Variants in FOXN2 observed in about 807,000 individuals in gnomAD.
The protein encoded by FOXN2 is forkhead box N2, also known as forkhead box protein N2.
In FOXN2, 19 loss-of-function variants were observed where a neutral mutation model predicts 41.2. The ratio of observed to expected loss-of-function variants is 0.46; its 90% confidence interval spans 0.32 to 0.68. FOXN2 has a LOEUF of 0.68. FOXN2 is among the 30% of genes least tolerant of loss of function. FOXN2 has a pLI of 0.03. For missense variants in FOXN2, 587 were observed against 509.4 expected, an observed-to-expected ratio of 1.15 and a Z score of -1.47; for synonymous variants, 195 against 176.8, an observed-to-expected ratio of 1.10 and a Z score of -0.82.
intron 4 of FOXN2, among the ~76,000 whole-genome samples, chr2:48,362,047 G>C (rs894407631): frequency 6.6e-6 from 1 of 152,150 alleles, no homozygotes; most frequent in African/African-American, 2.4e-5. Context: ...TATCACAACA[G>C]CCTATGTGGG....
rs1426874105 is a variant in FOXN2 at position 48,376,364 on chromosome 2, A to G, written c.*921A>G. The G allele has an allele frequency of 1.3e-5, 2 of 152,120 alleles. No homozygotes were observed. The highest frequency in any genetic ancestry group is 2.9e-5 in the Non-Finnish European group (2 of 67,982). The allele number at this position is 152,120 out of a possible 1,614,324, so 9.4% of individuals were successfully genotyped here. ...GTATTATGAGAATCTTATAATCGGA[A>G]TGGAGTGAAATGAAACATTTTGAGT... is the stretch of plus-strand genomic sequence containing the variant. On this transcript the variant is annotated 3_prime_UTR_variant, in exon 7 of 7. Transcript: ENST00000340553.
chr2:48,321,188 A>G (rs1669291216), intron 1 of FOXN2, among the ~76,000 whole-genome samples: 2 of 152,096 alleles, frequency 1.3e-5, no homozygotes, highest in East Asian at 3.9e-4. Context: ...CTAGTGTAGT[A>G]TTTCTTAAAT....
At chr2:48,361,695 C>T (rs147498434) in intron 4 of FOXN2, among the ~76,000 whole-genome samples, 39 of 151,664 alleles carry the variant, frequency 2.6e-4, no homozygotes, top group African/African-American at 7.7e-4. Flanking sequence ...CTTTTAAGTT[C>T]GTTAACAAAT....
chr2:48,374,822 A>G (rs1673129300), intron 6 of FOXN2, 98 bp from the exon 7 acceptor site: 1 of 1,007,420 alleles, frequency 9.9e-7, no homozygotes, highest in South Asian at 1.8e-5. Context: ...CATGAATCTA[A>G]AACATTTGTT....
Position 48,331,793 on chromosome 2 carries a change from G to A in FOXN2, c.-15+3091G>A, listed in dbSNP as rs566533836. Among the ~76,000 whole-genome samples the A allele has an allele frequency of 8.6e-5, 13 of 150,626 alleles. No individual in the cohort carries two copies. The South Asian group carries it at 2.3e-3, about 27-fold the overall frequency. On this transcript the variant is annotated intron_variant, in intron 2 of 6. Transcript: ENST00000340553. The stretch of plus-strand genomic sequence containing the variant: ...GATCATGCCACTGCACTCCGGCCTC[G>A]GTGACAGAACCAGAAAAAAAAAAAA...
chr2:48,322,132 G>A (rs989509660), intron 1 of FOXN2, among the ~76,000 whole-genome samples: 2 of 152,122 alleles, frequency 1.3e-5, no homozygotes, highest in African/African-American at 2.4e-5. Context: ...ATTTTTAGTA[G>A]AGATGGGGTT....
intron 1 of FOXN2, among the ~76,000 whole-genome samples, chr2:48,319,029 C>T (rs1261230019): frequency 6.6e-6 from 1 of 152,022 alleles, no homozygotes; most frequent in Non-Finnish European, 1.5e-5. Context: ...CTGTTAAATC[C>T]CTGGGATAGT....
chr2:48,373,205 C>A, intron 5 of FOXN2, 87 bp from the exon 6 acceptor site: 2 of 880,376 alleles, frequency 2.3e-6, no homozygotes, highest in Non-Finnish European at 1.8e-6. Flanking sequence ...AAAATTGTAA[C>A]GCTGGTTATC....
At chr2:48,357,274 C>T (rs764977631) in intron 3 of FOXN2, among the ~76,000 whole-genome samples, 1 of 152,122 alleles carries the variant, frequency 6.6e-6, no homozygotes, top group African/African-American at 2.4e-5. Context: ...AGCAACTCTA[C>T]TGTGATCAAA....
chr2:48,346,393 A>G lies in FOXN2; in HGVS notation c.179A>G (p.Asn60Ser). The G allele has an allele frequency of 6.2e-7, 1 of 1,614,208 alleles. No homozygotes were observed. The highest frequency in any genetic ancestry group is 8.5e-7 in the Non-Finnish European group (1 of 1,180,032). The stretch of plus-strand genomic sequence containing the variant: ...GCAGATGATGAACTCACAAACTTGA[A>G]CTGGCTTCATGAAAGCACTAATCTT... ...ESADDELTNL[N>S]WLHESTNLLT... Residue 60 changes from asparagine (N) to serine (S), a missense_variant, in exon 3 of 7, where the codon AAC (asparagine) becomes AGC (serine). Transcript: ENST00000340553.
intron 2 of FOXN2, among the ~76,000 whole-genome samples, chr2:48,331,007 T>C (rs1435115084): frequency 6.6e-6 from 1 of 152,216 alleles, no homozygotes; most frequent in African/African-American, 2.4e-5. Context: ...TCAACTTCTT[T>C]CCAGTTCTAG....
Position 48,370,232 on chromosome 2 carries a change from A to G in FOXN2, c.704-3060A>G, listed in dbSNP as rs79140452. Reference sequence around the variant, plus strand: ...CCTTTTTTCCAACTCACACAGAGACACAATATGGGCTAGCGGCTGCAACTT... The same window carrying G: ...CCTTTTTTCCAACTCACACAGAGACGCAATATGGGCTAGCGGCTGCAACTT... On this transcript the variant is annotated intron_variant, in intron 5 of 6. Coordinates refer to ENST00000340553, the MANE Select transcript of FOXN2 (RefSeq NM_002158.4). Among the ~76,000 whole-genome samples the G allele has an allele frequency of 5.4e-3, 824 of 152,276 alleles. 15 individuals carry two copies. The highest frequency in any genetic ancestry group is 5.8e-3 in the Non-Finnish European group (394 of 68,018).
intron 3 of FOXN2, among the ~76,000 whole-genome samples, chr2:48,357,117 A>G (rs1671844457): frequency 6.6e-6 from 1 of 152,212 alleles, no homozygotes. Flanking sequence ...CTTGTTCATG[A>G]TAGTTCATGA....
chr2:48,346,297 A>G lies in FOXN2; in HGVS notation c.83A>G (p.Tyr28Cys). The G allele has an allele frequency of 6.2e-7, 1 of 1,614,230 alleles. No individual in the cohort carries two copies. The highest frequency in any genetic ancestry group is 8.5e-7 in the Non-Finnish European group (1 of 1,180,026). The change falls in exon 3 of 7, where the codon TAC becomes TGC. Residue 28 changes from tyrosine (Y) to cysteine (C), a missense_variant. Coordinates refer to ENST00000340553, the MANE Select transcript of FOXN2 (RefSeq NM_002158.4). ...AEKIAGLSQIYKMGSLPEAVD... is the reference protein window; with the variant it reads ...AEKIAGLSQICKMGSLPEAVD... ...AAGATTGCAGGATTAAGCCAGATTTACAAAATGGGAAGCTTGCCTGAAGCT... is the reference window on the plus strand; with the variant it reads ...AAGATTGCAGGATTAAGCCAGATTTGCAAAATGGGAAGCTTGCCTGAAGCT...
chr2:48,331,248 C>G (rs767071064), intron 2 of FOXN2, among the ~76,000 whole-genome samples: 1 of 151,496 alleles, frequency 6.6e-6, no homozygotes, highest in Non-Finnish European at 1.5e-5. Flanking sequence ...ATTTTATTTC[C>G]CAGTAAGAAT....
At chr2:48,326,650 A>G (rs142973369) in intron 1 of FOXN2, among the ~76,000 whole-genome samples, 25 of 152,314 alleles carry the variant, frequency 1.6e-4, no homozygotes, top group African/African-American at 5.8e-4. Context: ...TCAAAATCTG[A>G]AGTTTTCTGA....
chr2:48,358,884 C>T (rs201181321), intron 3 of FOXN2, among the ~76,000 whole-genome samples, 163 bp from the exon 4 acceptor site: 229 of 51,292 alleles, frequency 4.5e-3, no homozygotes, highest in Middle Eastern at 0.02. Flanking sequence ...AGGATGAATC[C>T]CTTTTAGTCA....
At chr2:48,342,500 A>G (rs1670842458) in intron 2 of FOXN2, among the ~76,000 whole-genome samples, 1 of 152,086 alleles carries the variant, frequency 6.6e-6, no homozygotes, top group Non-Finnish European at 1.5e-5. Flanking sequence ...ACACATTTCC[A>G]TTTAGCTTTC....
At chr2:48,317,894 A>G (rs908648480) in intron 1 of FOXN2, among the ~76,000 whole-genome samples, 3 of 152,024 alleles carry the variant, frequency 2.0e-5, no homozygotes, top group South Asian at 2.1e-4. Flanking sequence ...GGCGGGAACC[A>G]CCACGCCCGG....
Sources: gnomAD v4.1 joint callset for allele counts (sites outside exome capture counted in the v4.1 genomes callset) on GRCh38, gnomAD v4.1.1 for gene constraint, MANE v1.5 for transcripts, NCBI Gene and HGNC (gene_info 2026-07-23, HGNC 2026-07-21) for gene names.